Variants in ZNF280D observed in about 807,000 individuals in gnomAD.
ZNF280D encodes zinc finger protein 280D, also known as suppressor of hairy wing homolog 4.
A neutral mutation model predicts 94.7 loss-of-function variants in ZNF280D; 39 were observed. That is an observed-to-expected ratio of 0.41 (90% CI 0.32 to 0.54). The LOEUF (loss-of-function observed/expected upper bound fraction) is 0.54, where lower values mean the gene tolerates loss of function less well. Among genes scored for constraint, ZNF280D ranks in the 20% least tolerant of loss-of-function variants. The pLI is 0.22. For missense variants in ZNF280D, 1,090 were observed against 1,149.3 expected, an observed-to-expected ratio of 0.95 and a Z score of 0.75; for synonymous variants, 398 against 377.6, an observed-to-expected ratio of 1.05 and a Z score of -0.63.
At chr15:56,706,229 C>CT (rs1183408841) in intron 3 of ZNF280D, among the ~76,000 whole-genome samples, 1 of 148,328 alleles carries the variant, frequency 6.7e-6, no homozygotes, top group African/African-American at 2.5e-5. Flanking sequence ...AATCACAACA[C>CT]TTTGGGAGGC....
chr15:56,695,383 C>A (rs1247361738), intron 6 of ZNF280D, among the ~76,000 whole-genome samples: 1 of 151,848 alleles, frequency 6.6e-6, no homozygotes, highest in East Asian at 1.9e-4. Context: ...GGTTCACCCC[C>A]TTTTATCTAA....
intron 1 of ZNF280D, among the ~76,000 whole-genome samples, chr15:56,731,236 C>T (rs1053942900): frequency 3.9e-5 from 6 of 152,258 alleles, no homozygotes; most frequent in African/African-American, 1.4e-4. Flanking sequence ...AGTGCTGTGG[C>T]TCACATCTGT....
chr15:56,648,407 C>G (rs2053022966), intron 19 of ZNF280D, among the ~76,000 whole-genome samples: 1 of 151,852 alleles, frequency 6.6e-6, no homozygotes, highest in South Asian at 2.1e-4. Context: ...TGCTGCCTAC[C>G]CTTCTGCAGA....
chr15:56,642,705 T>C (rs1175355310), intron 20 of ZNF280D, among the ~76,000 whole-genome samples: 2 of 151,760 alleles, frequency 1.3e-5, no homozygotes, highest in African/African-American at 4.8e-5. Flanking sequence ...TACTCACTAG[T>C]TGAACTAAAT....
chr15:56,718,661 T>G (rs2058176409), intron 1 of ZNF280D, among the ~76,000 whole-genome samples: 1 of 152,152 alleles, frequency 6.6e-6, no homozygotes, highest in Non-Finnish European at 1.5e-5. Context: ...TTCCTCTTCA[T>G]CCAACTAAAA....
chr15:56,659,456 G>C (rs2053772244), intron 16 of ZNF280D, among the ~76,000 whole-genome samples: 1 of 151,922 alleles, frequency 6.6e-6, no homozygotes, highest in Non-Finnish European at 1.5e-5. Flanking sequence ...TATTTTAAGA[G>C]AGACAGACTA....
intron 1 of ZNF280D, among the ~76,000 whole-genome samples, chr15:56,718,141 T>C (rs1259457447): frequency 6.6e-6 from 1 of 152,040 alleles, no homozygotes; most frequent in Non-Finnish European, 1.5e-5. Context: ...TAATTAGAAA[T>C]GTTGAATTAT....
chr15:56,657,387 A>G (rs1005649941), intron 17 of ZNF280D, among the ~76,000 whole-genome samples: 5 of 152,136 alleles, frequency 3.3e-5, no homozygotes, highest in African/African-American at 1.2e-4. Flanking sequence ...CAAAACTAAA[A>G]AAGTGTTCAT....
At chr15:56,663,383 T>G (rs1198592685) in intron 16 of ZNF280D, among the ~76,000 whole-genome samples, 1 of 151,440 alleles carries the variant, frequency 6.6e-6, no homozygotes, top group Non-Finnish European at 1.5e-5. Context: ...GGGGCAGGTA[T>G]GAGACCAAAG....
Position 56,662,846 on chromosome 15 carries a change from A to T in ZNF280D, c.1994+3549T>A, listed in dbSNP as rs2054036854. On this transcript the variant is annotated intron_variant, in intron 16 of 21. Coordinates refer to ENST00000267807, the MANE Select transcript of ZNF280D (RefSeq NM_017661.4). ...ACTCTGTCTCAAAAAAAAAAAAAAAAAAGGCAAAATAGATGAATAGTACAC... is the reference window on the plus strand; with the variant it reads ...ACTCTGTCTCAAAAAAAAAAAAAAATAAGGCAAAATAGATGAATAGTACAC... Among the ~76,000 whole-genome samples, 3 of 151,570 alleles carry T rather than the reference A, an allele frequency of 2.0e-5. No homozygotes were observed. In the South Asian group the frequency reaches 6.2e-4, roughly 31 times the overall value.
intron 1 of ZNF280D, among the ~76,000 whole-genome samples, chr15:56,713,299 A>C: frequency 6.6e-6 from 1 of 152,206 alleles, no homozygotes; most frequent in East Asian, 1.9e-4. Context: ...AATGAAGTTC[A>C]ACTAACTCAT....
chr15:56,686,046 T>C (rs2055988938), intron 9 of ZNF280D, among the ~76,000 whole-genome samples: 1 of 152,196 alleles, frequency 6.6e-6, no homozygotes, highest in African/African-American at 2.4e-5. Context: ...GTTGTGAGTC[T>C]AACATCAAAG....
chr15:56,637,122 T>C (rs2052391497), intron 20 of ZNF280D, among the ~76,000 whole-genome samples: 1 of 151,610 alleles, frequency 6.6e-6, no homozygotes, highest in Non-Finnish European at 1.5e-5. Context: ...GCTAGATTTC[T>C]CTCTGGAGAA....
intron 1 of ZNF280D, 122 bp from the exon 2 acceptor site, chr15:56,707,428 C>A: frequency 1.4e-6 from 1 of 710,878 alleles, no homozygotes; most frequent in Non-Finnish European, 2.0e-6. Flanking sequence ...ACATATAGTT[C>A]ATTTTACATA....
At chr15:56,685,367 A>C (rs2055930881) in intron 9 of ZNF280D, among the ~76,000 whole-genome samples, 1 of 150,262 alleles carries the variant, frequency 6.7e-6, no homozygotes. Context: ...AAAACAAAAC[A>C]AACAAAAATG....
intron 17 of ZNF280D, among the ~76,000 whole-genome samples, 160 bp downstream of exon 17, chr15:56,658,264 T>C (rs962584090): frequency 1.3e-5 from 2 of 152,164 alleles, no homozygotes; most frequent in African/African-American, 4.8e-5. Context: ...GTACCAAAAC[T>C]AACTGGTGAT....
Position 56,689,097 on chromosome 15 carries a change from A to T in ZNF280D, c.724T>A (p.Cys242Ser). 1 of 1,611,226 alleles carries T rather than the reference A, an allele frequency of 6.2e-7. No homozygotes were observed. The highest frequency in any genetic ancestry group is 8.5e-7 in the Non-Finnish European group (1 of 1,178,890). The stretch of plus-strand genomic sequence containing the variant: ...TTGAAATGAATGTTGCACTTTGGAC[A>T]AGCTCTTGGAAAAGGTGTTCCATTT... ...SKNGTPFPRA[C>S]PKCNIHFNLL... Residue 242 changes from cysteine (C) to serine (S), a missense_variant, in exon 9 of 22, where the codon TGT (cysteine) becomes AGT (serine). By Grantham distance (112) the Cys-to-Ser change is moderately radical. Coordinates refer to ENST00000267807, the MANE Select transcript of ZNF280D (RefSeq NM_017661.4).
At chr15:56,706,180 A>C (rs912788363) in intron 3 of ZNF280D, among the ~76,000 whole-genome samples, 1 of 141,494 alleles carries the variant, frequency 7.1e-6, no homozygotes, top group Non-Finnish European at 1.5e-5. Flanking sequence ...GGAAGATGTA[A>C]GGAGAAGATG....
chr15:56,687,862 ATTTATAACTTTT>A (rs1310805135), intron 9 of ZNF280D, among the ~76,000 whole-genome samples: 2 of 152,186 alleles, frequency 1.3e-5, no homozygotes, highest in Non-Finnish European at 2.9e-5. Flanking sequence ...AGAAGACTGT[ATTTATAACTTTT>A]TTAAGTTCCC....
Sources: allele counts gnomAD v4.1 joint callset (sites outside exome capture counted in the v4.1 genomes callset), GRCh38; gene constraint gnomAD v4.1.1; transcripts MANE v1.5; gene names NCBI Gene and HGNC (gene_info 2026-07-23, HGNC 2026-07-21).